CDH13: variants seen among roughly 807,000 people sequenced by gnomAD.
CDH13 encodes the protein cadherin-13.
Under a neutral mutation model 63.8 loss-of-function variants are expected in CDH13, and 24 were observed. That is an observed-to-expected ratio of 0.38 (90% CI 0.27 to 0.53). The LOEUF is 0.53. Among genes scored for constraint, CDH13 ranks in the 20% least tolerant of loss-of-function variants. The pLI is 0.85. For missense variants in CDH13, 1,049 were observed against 903.1 expected (o/e 1.16, Z -2.07); for synonymous variants, 503 against 355.3 (o/e 1.42, Z -4.67).
intron 1 of CDH13, among the ~76,000 whole-genome samples, chr16:82,786,021 G>C (rs2035986080): frequency 6.6e-6 from 1 of 152,152 alleles, no homozygotes; most frequent in African/African-American, 2.4e-5. Context: ...CAAATTTAAA[G>C]AGAATGATGG....
chr16:83,255,789 G>C (rs1906187952), intron 5 of CDH13, among the ~76,000 whole-genome samples: 1 of 152,118 alleles, frequency 6.6e-6, no homozygotes. Flanking sequence ...TGATTGAGCT[G>C]CTGAGTAACT....
chr16:83,014,794 ATATATATATG>A (rs1394774447), intron 2 of CDH13, among the ~76,000 whole-genome samples: 1,035 of 82,828 alleles, frequency 0.012, 18 homozygotes, highest in Non-Finnish European at 0.023. Context: ...ATATATTTGT[ATATATATATG>A]TATATATATT....
In CDH13 at chr16:82,770,016, G is replaced by A. The variant is rs574873588; in HGVS notation, c.46-88346G>A. ...TTTCCCTGTTCTTGAATTGTGTACCGTACCACCCAGCTGCTGTCCCCAGCT... is the reference window on the plus strand; with the variant it reads ...TTTCCCTGTTCTTGAATTGTGTACCATACCACCCAGCTGCTGTCCCCAGCT... On this transcript the variant is annotated intron_variant, in intron 1 of 13. Transcript: ENST00000567109. Among the ~76,000 whole-genome samples the A allele has an allele frequency of 6.6e-5, 10 of 152,242 alleles. No homozygotes were observed. The South Asian group carries it at 1.9e-3, about 28-fold the overall frequency.
At chr16:83,032,311 G>A in intron 3 of CDH13, 93 bp downstream of exon 3, 1 of 911,298 alleles carries the variant, frequency 1.1e-6, no homozygotes, top group Non-Finnish European at 1.7e-6. Context: ...TATTATGTTG[G>A]CTAAGATTCC....
At chr16:82,930,269 G>A (rs966867023) in intron 2 of CDH13, among the ~76,000 whole-genome samples, 21 of 152,084 alleles carry the variant, frequency 1.4e-4, no homozygotes, top group South Asian at 4.2e-4. Flanking sequence ...GAGCCGCTAC[G>A]TCCGGCCTGT....
chr16:82,858,322 T>C (rs116969808), intron 1 of CDH13, 40 bp from the exon 2 acceptor site: 37,309 of 1,373,172 alleles, frequency 0.027, 622 homozygotes, highest in Non-Finnish European at 0.034. Flanking sequence ...GGCAAACACA[T>C]AAGCCGCTAT....
At chr16:82,636,795 C>T (rs1908708080) in intron 1 of CDH13, among the ~76,000 whole-genome samples, 1 of 152,202 alleles carries the variant, frequency 6.6e-6, no homozygotes, top group Non-Finnish European at 1.5e-5. Flanking sequence ...TAATTTGTAG[C>T]TCTTGCCAAT....
chr16:83,770,048 C>T (rs1914658965), intron 11 of CDH13, among the ~76,000 whole-genome samples: 1 of 152,110 alleles, frequency 6.6e-6, no homozygotes, highest in African/African-American at 2.4e-5. Context: ...CAATTCCCGT[C>T]AACCCTGTGG....
At chr16:83,425,049 G>T (rs1020092169) in intron 6 of CDH13, among the ~76,000 whole-genome samples, 1 of 152,176 alleles carries the variant, frequency 6.6e-6, no homozygotes, top group African/African-American at 2.4e-5. Context: ...AGTGGTTCTG[G>T]CATGCTATCA....
intron 7 of CDH13, among the ~76,000 whole-genome samples, chr16:83,517,479 C>T (rs1032751327): frequency 6.6e-6 from 1 of 152,214 alleles, no homozygotes; most frequent in South Asian, 2.1e-4. Context: ...ATGTGGAGCA[C>T]TGGCCTCCTT....
At chr16:82,970,200 T>C (rs1908504077) in intron 2 of CDH13, among the ~76,000 whole-genome samples, 1 of 152,092 alleles carries the variant, frequency 6.6e-6, no homozygotes, top group Non-Finnish European at 1.5e-5. Flanking sequence ...GTTCTTGTGT[T>C]AGTTTGCTGA....
At chr16:82,852,201 A>G (rs902626208) in intron 1 of CDH13, among the ~76,000 whole-genome samples, 5 of 152,028 alleles carry the variant, frequency 3.3e-5, no homozygotes, top group African/African-American at 1.2e-4. Context: ...CAGTCCTGAT[A>G]TTTTTCACTG....
intron 4 of CDH13, among the ~76,000 whole-genome samples, chr16:83,173,685 T>C (rs2038013032): frequency 6.6e-6 from 1 of 152,142 alleles, no homozygotes; most frequent in South Asian, 2.1e-4. Context: ...GCAAACTATA[T>C]GAAAGATGCT....
chr16:83,391,972 A>G (rs558076753), intron 6 of CDH13, among the ~76,000 whole-genome samples: 2 of 152,156 alleles, frequency 1.3e-5, no homozygotes, highest in East Asian at 1.9e-4. Context: ...TTCGAAATGT[A>G]TGTGGGGCAA....
rs983638799 is a variant in CDH13, at chr16:82,868,146, T to C, written c.157+9673T>C. ...TGGACAAGGTTGGGGTTTCAAGTAG[T>C]ATATTTGTTTTAATCTGTTGCGATG... is the stretch of plus-strand genomic sequence containing the variant. On this transcript the variant is annotated intron_variant, in intron 2 of 13. Coordinates refer to ENST00000567109, the MANE Select transcript of CDH13 (RefSeq NM_001257.5). Among the ~76,000 whole-genome samples, 12 of 152,342 alleles carry C rather than the reference T, an allele frequency of 7.9e-5. 1 individual carries two copies. Among genetic ancestry groups the C allele is most frequent in the Middle Eastern group, 3.4e-3 (1 of 294 alleles).
intron 4 of CDH13, among the ~76,000 whole-genome samples, chr16:83,146,826 G>A (rs544051657): frequency 5.9e-5 from 9 of 152,260 alleles, no homozygotes; most frequent in East Asian, 1.9e-4. Context: ...GGTGGCTCAC[G>A]CCTGTAATTC....
chr16:83,066,656 C>G (rs565285217), intron 3 of CDH13, among the ~76,000 whole-genome samples: 7 of 152,310 alleles, frequency 4.6e-5, no homozygotes, highest in African/African-American at 1.7e-4. Flanking sequence ...ATTTAAAGAA[C>G]AGAATGATTA....
intron 2 of CDH13, among the ~76,000 whole-genome samples, chr16:83,024,884 A>G (rs1567755197): frequency 6.6e-6 from 1 of 152,174 alleles, no homozygotes; most frequent in Non-Finnish European, 1.5e-5. Flanking sequence ...GGCTTCACCA[A>G]AACAAGTGAA....
chr16:82,695,337 T>G (rs1184292972), intron 1 of CDH13, among the ~76,000 whole-genome samples: 1 of 152,172 alleles, frequency 6.6e-6, no homozygotes, highest in Non-Finnish European at 1.5e-5. Context: ...CCAATTTGCT[T>G]CTAATTCTGG....
Sources: allele counts gnomAD v4.1 joint callset (sites outside exome capture counted in the v4.1 genomes callset), GRCh38; gene constraint gnomAD v4.1.1; transcripts MANE v1.5; gene names NCBI Gene and HGNC (gene_info 2026-07-23, HGNC 2026-07-21).